The following TCEANC2 variants were observed in gnomAD, a reference collection of about 807,000 sequenced individuals.
TCEANC2 encodes transcription elongation factor A N-terminal and central domain containing 2.
TCEANC2 carries 20 observed loss-of-function variants against 22.8 expected under a neutral mutation model. That is an observed-to-expected ratio of 0.88 (90% CI 0.62 to 1.28). The LOEUF (loss-of-function observed/expected upper bound fraction) is 1.28. Among genes scored for constraint, TCEANC2 ranks in the 50% most tolerant of loss-of-function variants. The pLI, the probability that TCEANC2 is intolerant of heterozygous loss-of-function variation, is 0.00. For synonymous variants in TCEANC2, 84 were observed against 95.5 expected (o/e 0.88, Z 0.70); for missense variants, 251 against 249.7 (o/e 1.01, Z -0.03).
chr1:54,061,358 C>T (rs953710057), intron 2 of TCEANC2, among the ~76,000 whole-genome samples: 11 of 152,094 alleles, frequency 7.2e-5, no homozygotes, highest in Non-Finnish European at 1.3e-4. Flanking sequence ...TAAATAAATT[C>T]ATATTGAAAG....
At chr1:54,063,234 T>C (rs1324738118) in intron 2 of TCEANC2, among the ~76,000 whole-genome samples, 1 of 152,148 alleles carries the variant, frequency 6.6e-6, no homozygotes, top group African/African-American at 2.4e-5. Context: ...AGGACTACCA[T>C]ATGTTTGTGA....
intron 2 of TCEANC2, among the ~76,000 whole-genome samples, chr1:54,065,324 A>G (rs1252332706): frequency 6.6e-6 from 1 of 152,234 alleles, no homozygotes; most frequent in Admixed American, 6.5e-5. Flanking sequence ...AGAGAAAAGT[A>G]CATAAGGGAT....
rs1658571685 is a variant in TCEANC2, at chr1:54,097,049, C to T, written c.*576C>T. ...TCCCTGGAAGACCTTCTGCGTTGGT[C>T]TCCAGAGCCCCCATGCTGAGGCTAC... On this transcript the variant is annotated 3_prime_UTR_variant, in exon 5 of 5. Transcript: ENST00000234827. 2.1e-6 allele frequency: 2 copies of T among 940,836 alleles called. No homozygotes were observed. Among genetic ancestry groups the T allele is most frequent in the Non-Finnish European group, 2.5e-6 (2 of 789,088 alleles). The allele number at this position is 940,836 out of a possible 1,614,324, so 58.3% of individuals were successfully genotyped here.
rs888230633 is a variant in TCEANC2, at chr1:54,096,792, A to G, written c.*319A>G. 1.8e-5 allele frequency: 19 copies of G among 1,055,362 alleles called. No homozygotes were observed. Among genetic ancestry groups the G allele is most frequent in the Non-Finnish European group, 2.2e-5 (19 of 874,694 alleles). The allele number at this position is 1,055,362 out of a possible 1,614,324, so 65.4% of individuals were successfully genotyped here. On this transcript the variant is annotated 3_prime_UTR_variant, in exon 5 of 5. Transcript: ENST00000234827. This position sits in a 1 kb window ranked among gnomAD's most constrained non-coding sequence, Gnocchi z 4.9. ...GTGAATATGCCAAGGACACCTCTAA[A>G]CTTCCCCCATGTCAGTCAGATGAAG...
intron 2 of TCEANC2, among the ~76,000 whole-genome samples, chr1:54,056,402 T>G (rs1202882417): frequency 6.6e-6 from 1 of 151,906 alleles, no homozygotes; most frequent in Non-Finnish European, 1.5e-5. Context: ...TCTGCCTCCC[T>G]GCAACCTCTG....
intron 3 of TCEANC2, among the ~76,000 whole-genome samples, chr1:54,069,532 TG>T (rs1348280294): frequency 3.4e-5 from 5 of 149,108 alleles, no homozygotes; most frequent in African/African-American, 1.2e-4. Flanking sequence ...TGCTTGAACC[TG>T]GGAGGCAGAG....
At chr1:54,076,190 C>T (rs543256744) in intron 3 of TCEANC2, among the ~76,000 whole-genome samples, 12 of 152,142 alleles carry the variant, frequency 7.9e-5, no homozygotes, top group African/African-American at 1.9e-4. Context: ...CATATTATTT[C>T]GTTACCCAGG....
At chr1:54,111,363 A>G (rs1321184945) in exon 5 of TCEANC2, 1 of 152,232 alleles carries the variant, frequency 6.6e-6, no homozygotes, top group African/African-American at 2.4e-5. Flanking sequence ...AGGCAAGTGG[A>G]TAAGGTAAAG....
rs1444946923 is a variant in TCEANC2 at position 54,102,453 on chromosome 1, T to C, written c.*5980T>C. The C allele has an allele frequency of 3.3e-5, 5 of 152,234 alleles. No homozygotes were observed. The highest frequency in any genetic ancestry group is 3.3e-4 in the Admixed American group (5 of 15,292). The allele number at this position is 152,234 out of a possible 1,614,324, so 9.4% of individuals were successfully genotyped here. Reference sequence around the variant, plus strand: ...CTGGTAGAGACAGATCATCAGACCATGGATCATCAAGTTGACCATGTGACC... The same window carrying C: ...CTGGTAGAGACAGATCATCAGACCACGGATCATCAAGTTGACCATGTGACC... On this transcript the variant is annotated 3_prime_UTR_variant, in exon 5 of 5. Coordinates refer to ENST00000234827, the MANE Select transcript of TCEANC2 (RefSeq NM_153035.3).
chr1:54,082,587 T>C (rs113504130), intron 3 of TCEANC2, among the ~76,000 whole-genome samples: 27 of 152,162 alleles, frequency 1.8e-4, no homozygotes, highest in African/African-American at 6.0e-4. Context: ...GCAGAGGGAA[T>C]GGTATGAGCT....
chr1:54,061,653 G>A (rs1335552131), intron 2 of TCEANC2, among the ~76,000 whole-genome samples: 1 of 152,072 alleles, frequency 6.6e-6, no homozygotes, highest in Non-Finnish European at 1.5e-5. Flanking sequence ...GAGAGATTAA[G>A]TAGCTTGCTT....
At chr1:54,107,807 T>A (rs753088724), downstream of TCEANC2, among the ~76,000 whole-genome samples, 4 of 152,256 alleles carry the variant, frequency 2.6e-5, no homozygotes, top group Non-Finnish European at 5.9e-5. Flanking sequence ...GCTTTTCATG[T>A]CTGCCTTTGA....
rs1410824069 is a variant in TCEANC2, at chr1:54,081,716, G to A, written c.245-6881G>A. On this transcript the variant is annotated intron_variant, in intron 3 of 4. Coordinates refer to ENST00000234827, the MANE Select transcript of TCEANC2 (RefSeq NM_153035.3). ...AATTCTTCCCTCTTGCTGACAAGTC[G>A]CATCCCCCACTGGGCTCCTTTACAG... Among the ~76,000 whole-genome samples, 4 of 152,184 alleles carry A rather than the reference G, an allele frequency of 2.6e-5. No homozygotes were observed. The South Asian group carries it at 6.2e-4, about 24-fold the overall frequency.
At chr1:54,089,624 T>G (rs1658404660) in intron 4 of TCEANC2, among the ~76,000 whole-genome samples, 1 of 152,226 alleles carries the variant, frequency 6.6e-6, no homozygotes, top group African/African-American at 2.4e-5. Context: ...TAAAGTATCC[T>G]TAAAGAACAA....
At chr1:54,090,955 C>A (rs564330918) in intron 4 of TCEANC2, among the ~76,000 whole-genome samples, 14 of 152,030 alleles carry the variant, frequency 9.2e-5, no homozygotes, top group Non-Finnish European at 1.8e-4. Flanking sequence ...TTAGTTTATC[C>A]ATTAATTATC....
intron 3 of TCEANC2, among the ~76,000 whole-genome samples, chr1:54,078,105 G>A (rs1658173776): frequency 6.6e-6 from 1 of 152,112 alleles, no homozygotes; most frequent in Non-Finnish European, 1.5e-5. Context: ...TTCATGTGCT[G>A]CATAGAATGA....
At chr1:54,060,800 TGTG>T (rs1167988759) in intron 2 of TCEANC2, among the ~76,000 whole-genome samples, 2 of 151,204 alleles carry the variant, frequency 1.3e-5, no homozygotes, top group Non-Finnish European at 3.0e-5. Flanking sequence ...ATTAGCCGGG[TGTG>T]GTGGTGGGCG....
intron 3 of TCEANC2, among the ~76,000 whole-genome samples, chr1:54,076,984 T>C (rs577565094): frequency 6.3e-5 from 8 of 127,498 alleles, no homozygotes; most frequent in Non-Finnish European, 9.4e-5. Flanking sequence ...AGAGATGACA[T>C]TTGAGCAGAA....
intron 4 of TCEANC2, among the ~76,000 whole-genome samples, chr1:54,090,853 A>G (rs1658433106): frequency 6.6e-6 from 1 of 152,200 alleles, no homozygotes; most frequent in African/African-American, 2.4e-5. Context: ...TTCCTGTGGT[A>G]TCTTTTTAAG....
Sources: allele counts gnomAD v4.1 joint callset (sites outside exome capture counted in the v4.1 genomes callset), GRCh38; gene constraint gnomAD v4.1.1; non-coding constraint Gnocchi (gnomAD v3.1); transcripts MANE v1.5; gene names NCBI Gene and HGNC (gene_info 2026-07-23, HGNC 2026-07-21).